ISOC1: variants seen among roughly 807,000 people sequenced by gnomAD.
The protein encoded by ISOC1 is isochorismatase domain containing 1.
Under a neutral mutation model 30.0 loss-of-function variants are expected in ISOC1, and 33 were observed. The ratio of observed to expected loss-of-function variants is 1.10; its 90% CI spans 0.83 to 1.47. The LOEUF (loss-of-function observed/expected upper bound fraction) is 1.47, where lower values mean the gene tolerates loss of function less well. Among genes scored for constraint, ISOC1 ranks in the 40% most tolerant of loss-of-function variants. ISOC1 has a pLI of 0.00. For missense variants in ISOC1, 372 were observed against 388.0 expected (o/e 0.96, Z 0.35); for synonymous variants, 178 against 159.8 (o/e 1.11, Z -0.86).
chr5:129,107,169 G>C, intron 4 of ISOC1, 107 bp downstream of exon 4: 2 of 858,446 alleles, frequency 2.3e-6, no homozygotes, highest in Non-Finnish European at 1.9e-6. Context: ...AATTTGAGTT[G>C]GTCTGGCAAT....
intron 1 of ISOC1, among the ~76,000 whole-genome samples, chr5:129,103,269 C>T: frequency 6.6e-6 from 1 of 152,096 alleles, no homozygotes; most frequent in East Asian, 1.9e-4. Flanking sequence ...TTAGCCTTCC[C>T]AGCAATGCAT....
chr5:129,105,335 G>A lies in ISOC1; in HGVS notation c.580G>A (p.Ala194Thr), dbSNP rs1460827271. ...KFSMVLPEVE[A>T]ALAEIPGVRS... ...TTCAATGGTATTACCAGAAGTAGAA[G>A]CGGCATTAGCAGAGATTCCCGGAGT... The change falls in exon 3 of 5, where the codon GCG becomes ACG. Residue 194 changes from alanine to threonine, a missense_variant. By Grantham distance (58) the Ala-to-Thr change is moderately conservative (BLOSUM62 0). Coordinates refer to ENST00000173527, the MANE Select transcript of ISOC1 (RefSeq NM_016048.2). The A allele has an allele frequency of 1.9e-6, 3 of 1,613,710 alleles. No individual in the cohort carries two copies. The highest frequency in any genetic ancestry group is 3.3e-4 in the Middle Eastern group (2 of 6,084).
chr5:129,104,878 C>G, intron 1 of ISOC1, 78 bp from the exon 2 acceptor site: 2 of 1,423,098 alleles, frequency 1.4e-6, no homozygotes, highest in Non-Finnish European at 1.9e-6. Context: ...GACCATTTTT[C>G]TTCCTTTATT....
chr5:129,111,922 T>A (rs1753714414), intron 4 of ISOC1, among the ~76,000 whole-genome samples: 1 of 152,182 alleles, frequency 6.6e-6, no homozygotes, highest in Non-Finnish European at 1.5e-5. Context: ...ATTAAAATGT[T>A]CATGATGGCA....
intron 4 of ISOC1, among the ~76,000 whole-genome samples, chr5:129,111,965 G>A (rs775020692): frequency 6.6e-5 from 10 of 152,112 alleles, no homozygotes; most frequent in Non-Finnish European, 1.2e-4. Context: ...CATCCAGGGA[G>A]TCTCCTGACA....
chr5:129,100,252 A>G (rs910585821), intron 1 of ISOC1, among the ~76,000 whole-genome samples: 3 of 72,456 alleles, frequency 4.1e-5, no homozygotes, highest in African/African-American at 3.4e-4. Flanking sequence ...GTAATTTGCT[A>G]TGGGCTGGGT....
intron 1 of ISOC1, among the ~76,000 whole-genome samples, chr5:129,096,733 A>G (rs1235441656): frequency 1.3e-5 from 2 of 152,236 alleles, no homozygotes; most frequent in African/African-American, 2.4e-5. Flanking sequence ...GCTAGAATCC[A>G]AATACTAACT....
intron 4 of ISOC1, among the ~76,000 whole-genome samples, chr5:129,107,471 CCTT>C (rs1382583528): frequency 5.3e-5 from 8 of 151,958 alleles, no homozygotes; most frequent in African/African-American, 1.9e-4. Flanking sequence ...ATATAGTGGA[CCTT>C]CTGTATCCAC....
intron 4 of ISOC1, among the ~76,000 whole-genome samples, chr5:129,111,040 C>T (rs1166147727): frequency 6.6e-6 from 1 of 152,164 alleles, no homozygotes; most frequent in African/African-American, 2.4e-5. Context: ...CACAACTGGA[C>T]TGCAGCTTAT....
rs747733806 is a variant in ISOC1 at position 129,113,715 on chromosome 5, A to G, written c.*714A>G. The G allele has an allele frequency of 7.9e-5, 12 of 152,202 alleles. No homozygotes were observed. Among genetic ancestry groups the G allele is most frequent in the Non-Finnish European group, 1.3e-4 (9 of 68,024 alleles). The allele number at this position is 152,202 out of a possible 1,614,324, so 9.4% of individuals were successfully genotyped here. A position where few individuals can be genotyped will look rare whatever the true frequency, so the allele number is the denominator to read the frequency against. On this transcript the variant is annotated 3_prime_UTR_variant, in exon 5 of 5. Transcript: ENST00000173527. ...TGGAGGGCTGTTTTAACATCTTTGA[A>G]GTATGGCTTGCTGAATATCTTTACC...
intron 4 of ISOC1, among the ~76,000 whole-genome samples, chr5:129,109,555 A>C (rs1753679260): frequency 6.6e-6 from 1 of 152,148 alleles, no homozygotes; most frequent in South Asian, 2.1e-4. Context: ...GAGGGAAAGA[A>C]TCTGTTGTCT....
intron 1 of ISOC1, chr5:129,097,798 T>C (rs1753522936): frequency 6.5e-6 from 1 of 153,328 alleles, no homozygotes; most frequent in South Asian, 2.1e-4. Flanking sequence ...ACTGCTTGCA[T>C]GTTTAATGAG....
At chr5:129,103,251 CA>C (rs1753592995) in intron 1 of ISOC1, among the ~76,000 whole-genome samples, 3 of 152,084 alleles carry the variant, frequency 2.0e-5, no homozygotes, top group Admixed American at 2.0e-4. Context: ...ATCCTAAATG[CA>C]CAAAAATTAG....
In ISOC1 at chr5:129,094,853, C is replaced by T. The variant is rs1753472604; in HGVS notation, c.87C>T (p.Leu29=). 2 of 1,576,748 alleles carry T rather than the reference C, an allele frequency of 1.3e-6. No homozygotes were observed. Among genetic ancestry groups the T allele is most frequent in the Admixed American group, 1.9e-5 (1 of 53,860 alleles). Reference sequence around the variant, plus strand: ...CGCCGTCGGGCACAGTCCCGGTGCTCTTCTGTTTCTCAGTCTTCGCGCGAC... The same window carrying T: ...CGCCGTCGGGCACAGTCCCGGTGCTTTTCTGTTTCTCAGTCTTCGCGCGAC... ...AGAPSGTVPV[L]FCFSVFARPS... The change falls in exon 1 of 5, where the codon CTC becomes CTT. Residue 29 remains leucine (L), a synonymous_variant. Coordinates refer to ENST00000173527, the MANE Select transcript of ISOC1 (RefSeq NM_016048.2).
intron 4 of ISOC1, among the ~76,000 whole-genome samples, chr5:129,111,918 A>G (rs1753714341): frequency 6.6e-6 from 1 of 152,134 alleles, no homozygotes; most frequent in African/African-American, 2.4e-5. Flanking sequence ...TGGTATTAAA[A>G]TGTTCATGAT....
In ISOC1 at chr5:129,094,783, C is replaced by T. The variant is rs775483007; in HGVS notation, c.17C>T (p.Pro6Leu). 1.6e-5 allele frequency: 24 copies of T among 1,508,968 alleles called. No individual in the cohort carries two copies. Among genetic ancestry groups the T allele is most frequent in the African/African-American group, 1.0e-4 (7 of 70,028 alleles). 93.5% of individuals were successfully genotyped at this position (1,508,968 alleles called of 1,614,324 possible). MAAAEPAVLALPNSGA... is the reference protein window; with the variant it reads MAAAELAVLALPNSGA... ...CGGGGGAACATGGCGGCTGCGGAGCCGGCGGTCCTTGCGCTCCCCAACAGC... is the reference window on the plus strand; with the variant it reads ...CGGGGGAACATGGCGGCTGCGGAGCTGGCGGTCCTTGCGCTCCCCAACAGC... Residue 6 changes from proline to leucine, a missense_variant, in exon 1 of 5, where the codon CCG becomes CTG. Coordinates refer to ENST00000173527, the MANE Select transcript of ISOC1 (RefSeq NM_016048.2).
At chr5:129,098,520 AG>A (rs1753534929) in intron 1 of ISOC1, among the ~76,000 whole-genome samples, 1 of 152,236 alleles carries the variant, frequency 6.6e-6, no homozygotes, top group African/African-American at 2.4e-5. Context: ...TTTTAGGTAA[AG>A]GAAACATTTA....
At chr5:129,106,900 T>A in intron 3 of ISOC1, 46 bp from the exon 4 acceptor site, 3 of 1,317,346 alleles carry the variant, frequency 2.3e-6, no homozygotes, top group Non-Finnish European at 3.3e-6. Context: ...TAAACTACTT[T>A]TAGTTTATTA....
At chr5:129,101,684 A>G (rs527250515) in intron 1 of ISOC1, among the ~76,000 whole-genome samples, 9 of 152,292 alleles carry the variant, frequency 5.9e-5, no homozygotes, top group East Asian at 3.9e-4. Flanking sequence ...CAACCAAAGA[A>G]CCAACATTGG....
Sources: allele counts gnomAD v4.1 joint callset (sites outside exome capture counted in the v4.1 genomes callset), GRCh38; gene constraint gnomAD v4.1.1; transcripts MANE v1.5; gene names NCBI Gene and HGNC (gene_info 2026-07-23, HGNC 2026-07-21).